HSD17B12: variants seen among roughly 807,000 people sequenced by gnomAD.
The protein encoded by HSD17B12 is hydroxysteroid 17-beta dehydrogenase 12, also known as very-long-chain 3-oxoacyl-CoA reductase.
A neutral mutation model predicts 39.3 loss-of-function variants in HSD17B12; 32 were observed. That is an observed-to-expected ratio of 0.81 (90% CI 0.61 to 1.09). The LOEUF is 1.09. Ranked by LOEUF, HSD17B12 falls within the 50% of genes least tolerant of loss-of-function variation. The pLI is 0.00. For missense variants in HSD17B12, 342 were observed against 382.9 expected, an observed-to-expected ratio of 0.89 and a Z score of 0.89; for synonymous variants, 150 against 146.7, an observed-to-expected ratio of 1.02 and a Z score of -0.16.
rs1312816205 is a variant in HSD17B12 at position 43,856,342 on chromosome 11, A to T, written c.*1094A>T. 6.6e-6 allele frequency: 1 copy of T among 152,174 alleles called. No individual in the cohort carries two copies. Among genetic ancestry groups the T allele is most frequent in the Non-Finnish European group, 1.5e-5 (1 of 68,032 alleles). 9.4% of individuals were successfully genotyped at this position (152,174 alleles called of 1,614,324 possible). On this transcript the variant is annotated 3_prime_UTR_variant, in exon 11 of 11. Coordinates refer to ENST00000278353, the MANE Select transcript of HSD17B12 (RefSeq NM_016142.3). ...ATACTGTGAAATATGCAGCAAGAAG[A>T]TTGGTCTTTACCTAGGCTGTGTTTC...
chr11:43,615,408 A>G, the HSD17B12 span, among the ~76,000 whole-genome samples: 9 of 152,300 alleles, frequency 5.9e-5, no homozygotes, highest in East Asian at 1.9e-4. Context: ...GTGTTCAGCT[A>G]AAGATTCAAG....
chr11:43,687,791 T>C (rs555597878), intron 1 of HSD17B12, among the ~76,000 whole-genome samples: 1 of 152,388 alleles, frequency 6.6e-6, no homozygotes, highest in South Asian at 2.1e-4. Flanking sequence ...TGTTTGCAAC[T>C]GTAAGCCGAA....
At chr11:43,571,760 T>C in the HSD17B12 span, among the ~76,000 whole-genome samples, 3 of 152,160 alleles carry the variant, frequency 2.0e-5, no homozygotes, top group Admixed American at 2.0e-4. Context: ...CAGCATCCAG[T>C]GGTCCTTAAA....
chr11:43,717,173 A>G lies in HSD17B12; in HGVS notation c.161-33738A>G, dbSNP rs920982763. Among the ~76,000 whole-genome samples, 4 of 152,214 alleles carry G rather than the reference A, an allele frequency of 2.6e-5. No homozygotes were observed. The East Asian group carries it at 7.7e-4, about 29-fold the overall frequency. On this transcript the variant is annotated intron_variant, in intron 1 of 10. Coordinates refer to ENST00000278353, the MANE Select transcript of HSD17B12 (RefSeq NM_016142.3). Reference sequence around the variant, plus strand: ...CTAATAAGAAATCATCTTACTTATTAAAGCAGATCCTTAGAGGCCTGTTTT... The same window carrying G: ...CTAATAAGAAATCATCTTACTTATTGAAGCAGATCCTTAGAGGCCTGTTTT...
rs1430436738 is a variant in HSD17B12, at chr11:43,855,981, A to AT, written c.*734dup. On this transcript the variant is annotated 3_prime_UTR_variant, in exon 11 of 11. Transcript: ENST00000278353. ...TGTACATTGAGACTGGCAGCCATCT[A>AT]TGGTACCACTGAAACCCTGACCCAG... is the stretch of plus-strand genomic sequence containing the variant. 1 of 152,178 alleles carries AT rather than the reference A, an allele frequency of 6.6e-6. No individual in the cohort carries two copies. Among genetic ancestry groups the AT allele is most frequent in the Non-Finnish European group, 1.5e-5 (1 of 67,988 alleles). The allele number at this position is 152,178 out of a possible 1,614,324, so 9.4% of individuals were successfully genotyped here. A position where few individuals can be genotyped will look rare whatever the true frequency, so the allele number is the denominator to read the frequency against.
chr11:43,787,352 A>T (rs1590299976), intron 3 of HSD17B12, among the ~76,000 whole-genome samples: 1 of 152,166 alleles, frequency 6.6e-6, no homozygotes, highest in African/African-American at 2.4e-5. Context: ...TGGTAAATGA[A>T]GAGAGGCTGT....
intron 3 of HSD17B12, among the ~76,000 whole-genome samples, chr11:43,761,035 C>T (rs1013052518): frequency 2.0e-5 from 3 of 151,988 alleles, no homozygotes; most frequent in South Asian, 2.1e-4. Flanking sequence ...CAGAAAGTGA[C>T]GTTCTGTACT....
At chr11:43,595,287 G>C in the HSD17B12 span, among the ~76,000 whole-genome samples, 1 of 152,226 alleles carries the variant, frequency 6.6e-6, no homozygotes, top group African/African-American at 2.4e-5. Context: ...CATGTGTCTT[G>C]TATATATGTT....
At chr11:43,782,956 T>A (rs1950780645) in intron 3 of HSD17B12, among the ~76,000 whole-genome samples, 1 of 152,184 alleles carries the variant, frequency 6.6e-6, no homozygotes, top group Non-Finnish European at 1.5e-5. Flanking sequence ...CAGCATCACT[T>A]CTGTGATATT....
At chr11:43,602,084 A>G in the HSD17B12 span, among the ~76,000 whole-genome samples, 59 of 152,282 alleles carry the variant, frequency 3.9e-4, no homozygotes, top group Non-Finnish European at 7.1e-4. Context: ...TCCATGAGGC[A>G]ATGCTATTCT....
the HSD17B12 span, among the ~76,000 whole-genome samples, chr11:43,585,680 C>CT: frequency 6.6e-6 from 1 of 152,146 alleles, no homozygotes; most frequent in African/African-American, 2.4e-5. Context: ...AGCCTAACTT[C>CT]TTTTAAGTTC....
intron 1 of HSD17B12, among the ~76,000 whole-genome samples, chr11:43,686,842 A>G (rs1949804936): frequency 6.6e-6 from 1 of 152,138 alleles, no homozygotes; most frequent in Non-Finnish European, 1.5e-5. Flanking sequence ...TGATTACCTG[A>G]GCTAATTGCC....
chr11:43,580,770 T>C, the HSD17B12 span, among the ~76,000 whole-genome samples: 2 of 152,154 alleles, frequency 1.3e-5, no homozygotes, highest in South Asian at 4.2e-4. Flanking sequence ...TAGGTTTTGT[T>C]GAATAATTAG....
the HSD17B12 span, among the ~76,000 whole-genome samples, chr11:43,653,973 G>A: frequency 1.3e-5 from 2 of 152,186 alleles, no homozygotes; most frequent in African/African-American, 4.8e-5. Flanking sequence ...TCGCCACACT[G>A]ACTTCCACAA....
the HSD17B12 span, among the ~76,000 whole-genome samples, chr11:43,582,174 CG>C: frequency 6.6e-6 from 1 of 152,144 alleles, no homozygotes; most frequent in Non-Finnish European, 1.5e-5. Context: ...CTAAGTAGCA[CG>C]GAAGGGGGTA....
chr11:43,565,123 C>T, the HSD17B12 span, among the ~76,000 whole-genome samples: 1 of 152,174 alleles, frequency 6.6e-6, no homozygotes, highest in South Asian at 2.1e-4. Context: ...TGGTCTTGAA[C>T]TCCTGACCTC....
intron 4 of HSD17B12, among the ~76,000 whole-genome samples, chr11:43,807,258 A>G (rs1335849942): frequency 1.3e-5 from 2 of 152,234 alleles, no homozygotes; most frequent in Non-Finnish European, 2.9e-5. Flanking sequence ...ATGAAGGAGA[A>G]TGTTACTGGG....
chr11:43,738,200 T>C (rs1355874865), intron 1 of HSD17B12, among the ~76,000 whole-genome samples: 1 of 151,710 alleles, frequency 6.6e-6, no homozygotes, highest in Non-Finnish European at 1.5e-5. Flanking sequence ...CTGAAAATCA[T>C]CACTTGTCTC....
At chr11:43,622,774 A>C in the HSD17B12 span, among the ~76,000 whole-genome samples, 12 of 152,124 alleles carry the variant, frequency 7.9e-5, no homozygotes, top group Non-Finnish European at 1.6e-4. Flanking sequence ...ATGAATAAGG[A>C]ATCAACATGT....
Sources: allele counts gnomAD v4.1 joint callset (sites outside exome capture counted in the v4.1 genomes callset), GRCh38; gene constraint gnomAD v4.1.1; transcripts MANE v1.5; gene names NCBI Gene and HGNC (gene_info 2026-07-23, HGNC 2026-07-21).